The following ZNF365 variants were observed in gnomAD, a reference collection of about 807,000 sequenced individuals.
The protein encoded by ZNF365 is protein ZNF365.
ZNF365 carries 22 observed loss-of-function variants against 35.0 expected under a neutral mutation model. That is an observed-to-expected ratio of 0.63 (90% CI 0.45 to 0.90). The LOEUF (loss-of-function observed/expected upper bound fraction) is 0.90, where lower values mean the gene tolerates loss of function less well. Among genes scored for constraint, ZNF365 ranks in the 40% least tolerant of loss-of-function variants. ZNF365 has a pLI of 0.00. For missense variants in ZNF365, 448 were observed against 500.3 expected, an observed-to-expected ratio of 0.90 and a Z score of 1.00; for synonymous variants, 188 against 196.2, an observed-to-expected ratio of 0.96 and a Z score of 0.35.
At chr10:62,468,590 A>G (rs368609933) in intron 4 of ZNF365, among the ~76,000 whole-genome samples, 17 of 152,314 alleles carry the variant, frequency 1.1e-4, no homozygotes, top group African/African-American at 4.1e-4. Context: ...CTGATGCTTT[A>G]TGAAAAGTTT....
At chr10:62,444,960 G>A (rs891054520) in intron 3 of ZNF365, among the ~76,000 whole-genome samples, 4 of 150,448 alleles carry the variant, frequency 2.7e-5, no homozygotes, top group African/African-American at 9.8e-5. Context: ...AGAGTGTGAT[G>A]TTCCCCTTCC....
At chr10:62,427,215 T>C (rs918973062) in intron 3 of ZNF365, among the ~76,000 whole-genome samples, 1 of 152,216 alleles carries the variant, frequency 6.6e-6, no homozygotes, top group Non-Finnish European at 1.5e-5. Context: ...ACATGACACA[T>C]GATGATATTT....
At chr10:62,438,398 G>A (rs928264077) in intron 3 of ZNF365, among the ~76,000 whole-genome samples, 7 of 151,914 alleles carry the variant, frequency 4.6e-5, no homozygotes, top group African/African-American at 1.7e-4. Context: ...ACATTGCCCA[G>A]GCTGGTCTCA....
chr10:62,388,982 C>T (rs187093226), intron 3 of ZNF365, among the ~76,000 whole-genome samples: 1 of 152,206 alleles, frequency 6.6e-6, no homozygotes, highest in African/African-American at 2.4e-5. Context: ...TAAGATCAAA[C>T]CACATACACA....
intron 2 of ZNF365, among the ~76,000 whole-genome samples, chr10:62,382,720 G>A (rs986985901): frequency 1.3e-5 from 2 of 152,192 alleles, no homozygotes; most frequent in African/African-American, 4.8e-5. Flanking sequence ...GAGCGCAGGA[G>A]CCGACTCCAT....
chr10:62,430,196 AG>A (rs1437847240), intron 3 of ZNF365, among the ~76,000 whole-genome samples: 1 of 152,122 alleles, frequency 6.6e-6, no homozygotes, highest in Non-Finnish European at 1.5e-5. Context: ...TAGATCAAAA[AG>A]TAAAGACATT....
chr10:62,413,802 A>G (rs1840027459), intron 3 of ZNF365, among the ~76,000 whole-genome samples: 1 of 152,208 alleles, frequency 6.6e-6, no homozygotes, highest in African/African-American at 2.4e-5. Flanking sequence ...AGGAGGAGCC[A>G]TCCAATATAC....
chr10:62,435,812 C>T (rs1030838535), intron 3 of ZNF365, among the ~76,000 whole-genome samples: 6 of 152,190 alleles, frequency 3.9e-5, no homozygotes, highest in Non-Finnish European at 8.8e-5. Flanking sequence ...AAACCAGTCT[C>T]TTCCCCATAG....
At chr10:62,448,439 G>A (rs1197389602) in intron 3 of ZNF365, among the ~76,000 whole-genome samples, 1 of 152,190 alleles carries the variant, frequency 6.6e-6, no homozygotes, top group Non-Finnish European at 1.5e-5. Flanking sequence ...TGTGGAGGCA[G>A]AGCTGAGAGA....
chr10:62,418,312 G>T (rs1436309306), intron 3 of ZNF365, among the ~76,000 whole-genome samples: 10 of 151,982 alleles, frequency 6.6e-5, no homozygotes, highest in Non-Finnish European at 1.2e-4. Context: ...TAAGTTAGAC[G>T]CAGGGGCTTA....
intron 4 of ZNF365, among the ~76,000 whole-genome samples, chr10:62,471,282 T>A (rs1016532544): frequency 6.7e-6 from 1 of 149,718 alleles, no homozygotes; most frequent in Middle Eastern, 3.5e-3. Flanking sequence ...AGAAGAATGG[T>A]GTGAACCCGG....
At chr10:62,436,973 A>T (rs987648121) in intron 3 of ZNF365, among the ~76,000 whole-genome samples, 22 of 152,208 alleles carry the variant, frequency 1.4e-4, no homozygotes, top group Admixed American at 1.0e-3. Flanking sequence ...AAGCAGATGG[A>T]CTTCTGACTA....
At chr10:62,450,358 A>G (rs760772031) in intron 3 of ZNF365, among the ~76,000 whole-genome samples, 30 of 152,224 alleles carry the variant, frequency 2.0e-4, no homozygotes, top group Non-Finnish European at 4.0e-4. Flanking sequence ...AAATTTAAAG[A>G]TAAGAAGCCT....
intron 3 of ZNF365, among the ~76,000 whole-genome samples, chr10:62,442,429 T>A (rs1360148444): frequency 6.6e-6 from 1 of 152,168 alleles, no homozygotes; most frequent in Non-Finnish European, 1.5e-5. Context: ...TTTAATTAAC[T>A]GTATGCAAAA....
chr10:62,444,193 G>C (rs1412079645), intron 3 of ZNF365, among the ~76,000 whole-genome samples: 1 of 152,114 alleles, frequency 6.6e-6, no homozygotes, highest in South Asian at 2.1e-4. Flanking sequence ...TTCCCATCTT[G>C]TTCTGCTCCC....
chr10:62,421,808 A>G (rs1027606144), intron 3 of ZNF365, among the ~76,000 whole-genome samples: 53 of 152,342 alleles, frequency 3.5e-4, no homozygotes, highest in African/African-American at 1.3e-3. Flanking sequence ...TGTTTGCTCT[A>G]TGCAGAATAC....
chr10:62,447,233 C>CT (rs1262876208), intron 3 of ZNF365, among the ~76,000 whole-genome samples: 1 of 152,156 alleles, frequency 6.6e-6, no homozygotes, highest in African/African-American at 2.4e-5. Context: ...TAAGCCCTCT[C>CT]TTGGCAGGGA....
intron 3 of ZNF365, among the ~76,000 whole-genome samples, chr10:62,448,466 A>G (rs1358620161): frequency 6.6e-6 from 1 of 152,208 alleles, no homozygotes; most frequent in Non-Finnish European, 1.5e-5. Context: ...TAATGTCGAA[A>G]GTATTGCAGT....
chr10:62,430,504 A>G (rs1353029902), intron 3 of ZNF365, among the ~76,000 whole-genome samples: 1 of 152,188 alleles, frequency 6.6e-6, no homozygotes, highest in Non-Finnish European at 1.5e-5. Context: ...TGAGATTCCC[A>G]TCTTCCTAAA....
Sources: allele counts gnomAD v4.1 joint callset (sites outside exome capture counted in the v4.1 genomes callset), GRCh38; gene constraint gnomAD v4.1.1; transcripts MANE v1.5; gene names NCBI Gene and HGNC (gene_info 2026-07-23, HGNC 2026-07-21).